Variants in HELB observed in about 807,000 individuals in gnomAD.
HELB encodes DNA 5'-3' helicase B.
A neutral mutation model predicts 101.7 loss-of-function variants in HELB; 96 were observed. The observed-to-expected ratio is 0.94, with a 90% CI of 0.80 to 1.12. The LOEUF (loss-of-function observed/expected upper bound fraction) is 1.12. Ranked by LOEUF, HELB falls within the 50% of genes most tolerant of loss-of-function variation. The pLI, the probability that HELB is intolerant of heterozygous loss-of-function variation, is 0.00. For missense variants in HELB, 1,210 were observed against 1,291.9 expected, an observed-to-expected ratio of 0.94 and a Z score of 0.97; for synonymous variants, 437 against 459.7, an observed-to-expected ratio of 0.95 and a Z score of 0.63.
rs763931667 is a variant in HELB at position 66,324,027 on chromosome 12, G to A, written c.2342G>A (p.Cys781Tyr). Residue 781 changes from cysteine to tyrosine, a missense_variant, in exon 10 of 13, where the codon TGT (cysteine) becomes TAT (tyrosine). Physicochemically the swap from Cys to Tyr is radical, Grantham distance 194. Transcript: ENST00000247815. Reference sequence around the variant, plus strand: ...GTTTTTGGAATTGGTGATAAAATTTGTTGTACCAGGAATGCATACCTCTCA... The same window carrying A: ...GTTTTTGGAATTGGTGATAAAATTTATTGTACCAGGAATGCATACCTCTCA... ...RLVFGIGDKI[C>Y]CTRNAYLSDL... 28 of 1,613,274 alleles carry A rather than the reference G, an allele frequency of 1.7e-5. No individual in the cohort carries two copies. Among genetic ancestry groups the A allele is most frequent in the East Asian group, 4.5e-5 (2 of 44,828 alleles).
Position 66,331,538 on chromosome 12 carries a change from T to C in HELB, c.3055T>C (p.Leu1019=), listed in dbSNP as rs2053808425. Residue 1019 remains leucine (L), a synonymous_variant, in exon 12 of 13, where the codon TTA becomes CTA. Coordinates refer to ENST00000247815, the MANE Select transcript of HELB (RefSeq NM_001370285.1). The part of the protein sequence containing the change: ...RTLTFAERWQ[L]SSPDGVDTDD... Reference sequence around the variant, plus strand: ...ACTCACCTTTGCTGAAAGATGGCAATTATCTTCACCTGATGGAGTAGATAC... The same window carrying C: ...ACTCACCTTTGCTGAAAGATGGCAACTATCTTCACCTGATGGAGTAGATAC... 6.2e-7 allele frequency: 1 copy of C among 1,613,990 alleles called. No homozygotes were observed. The highest frequency in any genetic ancestry group is 1.3e-5 in the African/African-American group (1 of 74,912).
chr12:66,320,885 C>T (rs1037353824), intron 7 of HELB, among the ~76,000 whole-genome samples: 2 of 152,094 alleles, frequency 1.3e-5, no homozygotes, highest in Non-Finnish European at 2.9e-5. Flanking sequence ...CAATAAAATA[C>T]GTTGTACATA....
chr12:66,305,742 C>T (rs1300691942), intron 2 of HELB, among the ~76,000 whole-genome samples: 1 of 85,292 alleles, frequency 1.2e-5, no homozygotes, highest in Non-Finnish European at 2.9e-5. Context: ...GACACCGTCT[C>T]AGTTAAAAAA....
intron 1 of HELB, among the ~76,000 whole-genome samples, chr12:66,303,783 TATA>T (rs1386718824): frequency 4.9e-4 from 75 of 152,244 alleles, no homozygotes; most frequent in African/African-American, 1.6e-3. Context: ...TTTCCTGTGC[TATA>T]AGTTATACCT....
intron 11 of HELB, among the ~76,000 whole-genome samples, chr12:66,330,565 A>C (rs938112104): frequency 4.7e-5 from 7 of 147,976 alleles, no homozygotes; most frequent in African/African-American, 1.5e-4. Flanking sequence ...CTATCTGTCT[A>C]TATATATATA....
intron 11 of HELB, among the ~76,000 whole-genome samples, chr12:66,327,745 G>C (rs1477216535): frequency 6.6e-6 from 1 of 151,978 alleles, no homozygotes; most frequent in Non-Finnish European, 1.5e-5. Flanking sequence ...CCATTGTGAA[G>C]CTTAAATTTG....
At chr12:66,340,266 T>G (rs1445622438), downstream of HELB, 1 of 152,184 alleles carries the variant, frequency 6.6e-6, no homozygotes, top group Non-Finnish European at 1.5e-5. Context: ...TTCTCCCTAT[T>G]CTCTCCAACG....
At chr12:66,315,549 T>G (rs1251533371) in intron 6 of HELB, among the ~76,000 whole-genome samples, 166 bp downstream of exon 6, 2 of 152,192 alleles carry the variant, frequency 1.3e-5, no homozygotes, top group African/African-American at 4.8e-5. Context: ...AAAGCAAAGT[T>G]AATGTTTTTC....
At chr12:66,322,219 A>G (rs750862773) in intron 8 of HELB, among the ~76,000 whole-genome samples, 190 bp downstream of exon 8, 5 of 152,158 alleles carry the variant, frequency 3.3e-5, no homozygotes, top group African/African-American at 1.2e-4. Context: ...ACCAAGTATT[A>G]TATTTAGAAG....
chr12:66,310,463 A>G lies in HELB; in HGVS notation c.1535A>G (p.Asn512Ser). 1.2e-6 allele frequency: 2 copies of G among 1,614,176 alleles called. No individual in the cohort carries two copies. ...KACEDFEQDQ[N>S]ASEEWITFTE... is the part of the protein sequence containing the mutation. The stretch of plus-strand genomic sequence containing the variant: ...TGTGAAGATTTTGAACAAGACCAGA[A>G]TGCTTCAGAAGAATGGATTACCTTT... Residue 512 changes from asparagine to serine, a missense_variant, in exon 4 of 13, where the codon AAT (asparagine) becomes AGT (serine). Asn to Ser is a conservative substitution (Grantham distance 46). This residue lies in a region of HELB where 740 missense variants were observed against 728.8 expected (regional missense o/e 1.02). Transcript: ENST00000247815.
chr12:66,312,144 A>G (rs567545457), intron 4 of HELB, among the ~76,000 whole-genome samples: 1 of 152,310 alleles, frequency 6.6e-6, no homozygotes, highest in East Asian at 1.9e-4. Flanking sequence ...AAGTGATGTT[A>G]TCTCCACATT....
At chr12:66,312,921 G>T (rs1430221672) in intron 4 of HELB, among the ~76,000 whole-genome samples, 1 of 152,192 alleles carries the variant, frequency 6.6e-6, no homozygotes, top group Non-Finnish European at 1.5e-5. Flanking sequence ...CCCATCCTGG[G>T]ATTGTGTGTG....
chr12:66,334,305 G>A (rs1261934573), intron 12 of HELB, among the ~76,000 whole-genome samples: 1 of 151,812 alleles, frequency 6.6e-6, no homozygotes, highest in Non-Finnish European at 1.5e-5. Flanking sequence ...TACAAAAATA[G>A]TAAAAAATTA....
intron 3 of HELB, 50 bp from the exon 4 acceptor site, chr12:66,309,656 C>T (rs976948305): frequency 8.2e-7 from 1 of 1,219,880 alleles, no homozygotes; most frequent in African/African-American, 1.5e-5. Flanking sequence ...AGAACATATT[C>T]ATAAACACTT....
Position 66,310,284 on chromosome 12 carries a change from T to G in HELB, c.1356T>G (p.Val452=). ...EVQLDQDQVE[V]PLDRDQVAAL... ...AGCTGGATCAGGATCAGGTTGAAGT[T>G]CCACTGGATCGGGATCAGGTGGCTG... The change falls in exon 4 of 13, where the codon GTT becomes GTG. Residue 452 remains valine (V), a synonymous_variant. Transcript: ENST00000247815. 2 of 1,614,148 alleles carry G rather than the reference T, an allele frequency of 1.2e-6. No homozygotes were observed. The highest frequency in any genetic ancestry group is 1.7e-6 in the Non-Finnish European group (2 of 1,180,032).
chr12:66,338,762 T>G (rs1038617295), downstream of HELB: 2 of 152,196 alleles, frequency 1.3e-5, no homozygotes, highest in African/African-American at 4.8e-5. Context: ...CCTTTGCCAA[T>G]GGGTTGAAGC....
At chr12:66,302,989 T>G (rs531367641) in intron 1 of HELB, among the ~76,000 whole-genome samples, 199 bp downstream of exon 1, 4,796 of 151,788 alleles carry the variant, frequency 0.032, 258 homozygotes, top group African/African-American at 0.11. Flanking sequence ...TATGTGGTTT[T>G]TTTTTTTTTT....
At chr12:66,322,140 C>A (rs1203362360) in intron 8 of HELB, 111 bp downstream of exon 8, 2 of 563,530 alleles carry the variant, frequency 3.5e-6, no homozygotes, top group Non-Finnish European at 6.4e-6. Flanking sequence ...ACTGTTAATT[C>A]TCTTTCTTAT....
rs189449189 is a variant in HELB, at chr12:66,311,824, C to T, written c.1680+1216C>T. 1.2e-4 allele frequency among the ~76,000 whole-genome samples: 18 copies of T among 152,276 alleles called. No individual in the cohort carries two copies. The East Asian group carries it at 3.5e-3, about 29-fold the overall frequency. ...GTTGGAGAGGTTCCTCTAGCCCTAG[C>T]CCTGACCTGCCATTTTTTAGATAAA... On this transcript the variant is annotated intron_variant, in intron 4 of 12. Transcript: ENST00000247815.
Sources: allele counts gnomAD v4.1 joint callset (sites outside exome capture counted in the v4.1 genomes callset), GRCh38; gene constraint gnomAD v4.1.1; regional missense constraint gnomAD v4.1.1; transcripts MANE v1.5; gene names NCBI Gene and HGNC (gene_info 2026-07-23, HGNC 2026-07-21).